CAMKK2: variants seen among roughly 807,000 people sequenced by gnomAD.
CAMKK2 encodes calcium/calmodulin dependent protein kinase kinase 2.
In CAMKK2, 30 loss-of-function variants were observed where a neutral mutation model predicts 67.2. The observed-to-expected ratio is 0.45, with a 90% CI of 0.33 to 0.61. The LOEUF is 0.61. CAMKK2 is among the 20% of genes least tolerant of loss of function. CAMKK2 has a pLI of 0.02. For missense variants in CAMKK2, 643 were observed against 802.0 expected, an observed-to-expected ratio of 0.80 and a Z score of 2.39; for synonymous variants, 322 against 326.2, an observed-to-expected ratio of 0.99 and a Z score of 0.14.
At position 121,255,605 on chromosome 12, in the gene CAMKK2, G is replaced by C. The variant is rs1239866166; in HGVS notation, c.852C>G (p.Leu284=). Residue 284 remains leucine (L), a synonymous_variant, in exon 9 of 17, where the codon CTC becomes CTG. Transcript: ENST00000404169. ...PVMEVPTLKP[L]SEDQARFYFQ... is the part of the protein sequence containing the mutation. The stretch of plus-strand genomic sequence containing the variant: ...AGTAGAAACGGGCCTGGTCTTCAGA[G>C]AGTGGTTTGAGGGTGGGCACTTCCA... 2 of 1,612,912 alleles carry C rather than the reference G, an allele frequency of 1.2e-6. No homozygotes were observed. The highest frequency in any genetic ancestry group is 2.2e-5 in the East Asian group (1 of 44,812).
At position 121,240,790 on chromosome 12, in the gene CAMKK2, C is replaced by A. The variant is rs1326533211; in HGVS notation, c.1676G>T (p.Ser559Ile). ...GGCCCAGCAACTTTCCACGCAGGGACTGCCTCTCACAAGAGCACTTCCTCC... is the reference window on the plus strand; with the variant it reads ...GGCCCAGCAACTTTCCACGCAGGGAATGCCTCTCACAAGAGCACTTCCTCC... The part of the protein sequence containing the change: ...GGGGSALVRG[S>I]PCVESCWAPA... The change falls in exon 17 of 17, where the codon AGT (serine) becomes ATT (isoleucine). Residue 559 changes from serine (S) to isoleucine (I), a missense_variant. Transcript: ENST00000404169. The surrounding 1 kb of genome is among the most constrained non-coding windows in gnomAD (Gnocchi z 4.4). The A allele has an allele frequency of 1.9e-6, 3 of 1,610,044 alleles. No homozygotes were observed. The highest frequency in any genetic ancestry group is 4.5e-5 in the East Asian group (2 of 44,876).
chr12:121,285,681 G>A lies in CAMKK2; in HGVS notation c.-60+10957C>T, dbSNP rs930056821. Among the ~76,000 whole-genome samples the A allele has an allele frequency of 1.7e-4, 26 of 152,072 alleles. No individual in the cohort carries two copies. Among genetic ancestry groups the A allele is most frequent in the African/African-American group, 4.6e-4 (19 of 41,408 alleles). On this transcript the variant is annotated intron_variant, in intron 1 of 16. Transcript: ENST00000404169. This position sits in a 1 kb window ranked among gnomAD's most constrained non-coding sequence, Gnocchi z 4.1. ...AAAAAACCTAGCTGGGCATGGTGGC[G>A]TACACCTGTAGTCCCAGCTACTAGG...
In CAMKK2 at chr12:121,263,918, G is replaced by C; in HGVS notation, c.647C>G (p.Thr216Ser). ...GFPRRPPPRGTRPAPGGCIQP... is the reference protein window; with the variant it reads ...GFPRRPPPRGSRPAPGGCIQP... ...GATGCAGCCTCCAGGAGCTGGCCGG[G>C]TGCCTCGGGGTGGAGGGCGACCTGA... Residue 216 changes from threonine to serine, a missense_variant, in exon 6 of 17, where the codon ACC becomes AGC. Physicochemically the swap from Thr to Ser is moderately conservative, Grantham distance 58. Coordinates refer to ENST00000404169, the MANE Select transcript of CAMKK2 (RefSeq NM_001270485.2). The C allele has an allele frequency of 1.9e-6, 3 of 1,606,338 alleles. No homozygotes were observed. Among genetic ancestry groups the C allele is most frequent in the Non-Finnish European group, 2.6e-6 (3 of 1,174,422 alleles).
intron 1 of CAMKK2, among the ~76,000 whole-genome samples, chr12:121,286,195 G>A (rs781098507): frequency 4.0e-4 from 61 of 152,320 alleles, no homozygotes; most frequent in Non-Finnish European, 7.5e-4. Context: ...TGACAGGGAA[G>A]CTGCTGTCTC....
chr12:121,250,391 CTT>C (rs1050930504), intron 11 of CAMKK2, among the ~76,000 whole-genome samples: 4 of 152,190 alleles, frequency 2.6e-5, no homozygotes, highest in African/African-American at 7.2e-5. Flanking sequence ...ACACAAAAGA[CTT>C]TGTGTTATTT....
chr12:121,246,817 T>TCCCCCAGC (rs1889574229), intron 14 of CAMKK2, among the ~76,000 whole-genome samples: 3 of 92,434 alleles, frequency 3.2e-5, no homozygotes, highest in Non-Finnish European at 4.5e-5. Context: ...CAGGAGCCCC[T>TCCCCCAGC]CCCCCAGCCC....
At chr12:121,247,021 A>T (rs970313155) in intron 14 of CAMKK2, among the ~76,000 whole-genome samples, 3 of 151,940 alleles carry the variant, frequency 2.0e-5, no homozygotes, top group Non-Finnish European at 4.4e-5. Context: ...CCTGGTTCAA[A>T]CCCTGATTCA....
chr12:121,279,715 G>A (rs1317234230), intron 1 of CAMKK2, among the ~76,000 whole-genome samples: 2 of 152,176 alleles, frequency 1.3e-5, no homozygotes, highest in Non-Finnish European at 1.5e-5. Flanking sequence ...TGAAATCCAG[G>A]CAGAGGCCAT....
In CAMKK2 at chr12:121,251,285, C is replaced by A. The variant is rs1030761057; in HGVS notation, c.1162-1251G>T. On this transcript the variant is annotated intron_variant, in intron 11 of 16. Transcript: ENST00000404169. Reference sequence around the variant, plus strand: ...GATGGGTAAGGAATGAACAGACAAGCACAGGAAAAGGTTAATATAGTAGAA... The same window carrying A: ...GATGGGTAAGGAATGAACAGACAAGAACAGGAAAAGGTTAATATAGTAGAA... Among the ~76,000 whole-genome samples the A allele has an allele frequency of 1.8e-4, 27 of 152,160 alleles. 2 individuals carry two copies. The highest frequency in any genetic ancestry group is 2.9e-5 in the Non-Finnish European group (2 of 68,036).
chr12:121,260,679 G>A (rs1395288839), intron 6 of CAMKK2: 11 of 515,540 alleles, frequency 2.1e-5, no homozygotes, highest in Admixed American at 4.1e-5. Flanking sequence ...CCGGCTGGGC[G>A]CAGTGGCTCA....
intron 16 of CAMKK2, among the ~76,000 whole-genome samples, chr12:121,241,354 T>C (rs1220034801): frequency 6.6e-6 from 1 of 152,176 alleles, no homozygotes; most frequent in Non-Finnish European, 1.5e-5. Flanking sequence ...GGCACACAGC[T>C]GGCCCTCAAG....
At chr12:121,268,430 T>C (rs571540228) in intron 5 of CAMKK2, among the ~76,000 whole-genome samples, 3 of 152,288 alleles carry the variant, frequency 2.0e-5, no homozygotes, top group Admixed American at 6.5e-5. Context: ...AGTCTTGCTC[T>C]GTCACCCAGG....
chr12:121,284,079 C>T (rs1033015563), intron 1 of CAMKK2, among the ~76,000 whole-genome samples: 29 of 152,346 alleles, frequency 1.9e-4, no homozygotes, highest in African/African-American at 6.3e-4. Context: ...GCCCTCCCCT[C>T]GGCCCACATC....
Position 121,240,749 on chromosome 12 carries a change from G to A in CAMKK2, c.1717C>T (p.Pro573Ser). 6.2e-7 allele frequency: 1 copy of A among 1,608,988 alleles called. No homozygotes were observed. Among genetic ancestry groups the A allele is most frequent in the Non-Finnish European group, 8.5e-7 (1 of 1,178,994 alleles). Residue 573 changes from proline to serine, a missense_variant, in exon 17 of 17, where the codon CCC becomes TCC. Pro to Ser is a moderately conservative substitution (Grantham distance 74, BLOSUM62 -1). Around this residue, in one of 3 missense-constraint regions of CAMKK2, gnomAD observed 140 missense variants for 124.2 expected, o/e 1.13. Coordinates refer to ENST00000404169, the MANE Select transcript of CAMKK2 (RefSeq NM_001270485.2). This position sits in a 1 kb window ranked among gnomAD's most constrained non-coding sequence, Gnocchi z 4.4. ...ESCWAPAPGS[P>S]ARMHPLRPEE... is the part of the protein sequence containing the mutation. ...GGCCGCAGTGGATGCATGCGTGCGG[G>A]GGAGCCGGGGGCGGGGGCCCAGCAA...
chr12:121,269,858 G>A (rs1895375873), intron 3 of CAMKK2: 3 of 310,496 alleles, frequency 9.7e-6, no homozygotes, highest in South Asian at 6.4e-5. Flanking sequence ...AGACCAGCCT[G>A]GCCAACATGA....
At chr12:121,296,754 G>T (rs1276209205), upstream of CAMKK2, 2 of 146,492 alleles carry the variant, frequency 1.4e-5, no homozygotes, top group African/African-American at 2.5e-5. This position sits in a 1 kb window ranked among gnomAD's most constrained non-coding sequence, Gnocchi z 7.1. Context: ...GCGGGCGCGC[G>T]GGGGGCGGGG....
Position 121,270,767 on chromosome 12 carries a change from T to G in CAMKK2, c.519+131A>C, listed in dbSNP as rs182786994. 1.8e-5 allele frequency: 12 copies of G among 661,244 alleles called. No homozygotes were observed. In the East Asian group the frequency reaches 3.2e-4, roughly 17 times the overall value. The allele number at this position is 661,244 out of a possible 1,614,324, so 41.0% of individuals were successfully genotyped here. A position where few individuals can be genotyped will look rare whatever the true frequency, so the allele number is the denominator to read the frequency against. On this transcript the variant is annotated intron_variant, in intron 3 of 16. Transcript: ENST00000404169. ...CTAAACCAAAAACCTAGATCATTAA[T>G]GACAAAACCCTCTCCACCAACCTCG...
chr12:121,245,120 G>C lies in CAMKK2; in HGVS notation c.1553+20C>G. The stretch of plus-strand genomic sequence containing the variant: ...CTCCAGCCACCACTCCCCCACCCAA[G>C]AAGGCAGGCGGCCACTCACGTGAGC... On this transcript the variant is annotated intron_variant, in intron 15 of 16. Transcript: ENST00000404169. This position sits in a 1 kb window ranked among gnomAD's most constrained non-coding sequence, Gnocchi z 5.8. 6.5e-7 allele frequency: 1 copy of C among 1,546,708 alleles called. No homozygotes were observed. Among genetic ancestry groups the C allele is most frequent in the Non-Finnish European group, 8.8e-7 (1 of 1,133,886 alleles).
At position 121,280,032 on chromosome 12, in the gene CAMKK2, G is replaced by A. The variant is rs546613311; in HGVS notation, c.-59-5447C>T. On this transcript the variant is annotated intron_variant, in intron 1 of 16. Transcript: ENST00000404169. ...TGCCTCATCCTGGGCACAACAAAAA[G>A]GCCCAAAACAGCTCCGAGGATCCTG... Among the ~76,000 whole-genome samples the A allele has an allele frequency of 6.6e-5, 10 of 152,346 alleles. No homozygotes were observed. The South Asian group carries it at 1.2e-3, about 19-fold the overall frequency.
Sources: gnomAD v4.1 joint callset for allele counts (sites outside exome capture counted in the v4.1 genomes callset) on GRCh38, gnomAD v4.1.1 for gene constraint, gnomAD v4.1.1 regional missense constraint, Gnocchi (gnomAD v3.1) non-coding constraint, MANE v1.5 for transcripts, NCBI Gene and HGNC (gene_info 2026-07-23, HGNC 2026-07-21) for gene names.